The following SESN3 variants were observed in gnomAD, a reference collection of about 807,000 sequenced individuals.
SESN3 encodes sestrin 3, also known as sestrin-3.
A neutral mutation model predicts 55.3 loss-of-function variants in SESN3; 21 were observed. The ratio of observed to expected loss-of-function variants is 0.38; its 90% CI spans 0.27 to 0.55. The LOEUF (loss-of-function observed/expected upper bound fraction) is 0.55, where lower values mean the gene tolerates loss of function less well. SESN3 is among the 20% of genes least tolerant of loss of function. The probability of loss-of-function intolerance (pLI) is 0.76; values close to 1 mark genes in which losing one functional copy is unlikely to be tolerated. For synonymous variants in SESN3, 181 were observed against 203.1 expected, an observed-to-expected ratio of 0.89 and a Z score of 0.93; for missense variants, 408 against 604.3, an observed-to-expected ratio of 0.68 and a Z score of 3.41.
At chr11:95,184,754 T>G (rs1200156634) in intron 5 of SESN3, among the ~76,000 whole-genome samples, 160 bp from the exon 6 acceptor site, 7 of 152,106 alleles carry the variant, frequency 4.6e-5, no homozygotes, top group African/African-American at 1.4e-4. Flanking sequence ...TCATGACAGA[T>G]TCCAACATTT....
intron 4 of SESN3, among the ~76,000 whole-genome samples, chr11:95,186,194 CTGTGTGTGTGTGTGTGTGTGTGTGTG>C (rs35466696): frequency 1.1e-4 from 12 of 107,634 alleles, no homozygotes; most frequent in African/African-American, 3.6e-4. Flanking sequence ...CTATCTCTCA[CTGTGTGTGTGTGTGTGTGTGTGTGTG>C]TGTGTGTGTG....
intron 1 of SESN3, among the ~76,000 whole-genome samples, chr11:95,225,459 G>T (rs1169588618): frequency 1.3e-5 from 2 of 152,158 alleles, no homozygotes; most frequent in Admixed American, 1.3e-4. Context: ...ATTACCTGGA[G>T]AATCTTCGGT....
intron 9 of SESN3, among the ~76,000 whole-genome samples, 173 bp from the exon 10 acceptor site, chr11:95,173,514 G>A (rs992764742): frequency 6.6e-6 from 1 of 152,002 alleles, no homozygotes; most frequent in Non-Finnish European, 1.5e-5. Flanking sequence ...TAATGGCTCT[G>A]CAAGCAGTAA....
At chr11:95,194,894 A>G (rs886382286) in intron 1 of SESN3, among the ~76,000 whole-genome samples, 2 of 152,168 alleles carry the variant, frequency 1.3e-5, no homozygotes, top group Admixed American at 1.3e-4. Flanking sequence ...ACTGCACTCC[A>G]GCCCAGGTGA....
chr11:95,211,680 G>A (rs1403868228), intron 1 of SESN3, among the ~76,000 whole-genome samples: 1 of 152,148 alleles, frequency 6.6e-6, no homozygotes, highest in Non-Finnish European at 1.5e-5. Flanking sequence ...TGAGGCAGGA[G>A]AATCACTTGA....
intron 9 of SESN3, among the ~76,000 whole-genome samples, chr11:95,174,191 T>C (rs1044341442): frequency 1.3e-5 from 2 of 152,228 alleles, no homozygotes; most frequent in Non-Finnish European, 2.9e-5. Context: ...TAACATTCTC[T>C]GCTAAGATCA....
intron 1 of SESN3, among the ~76,000 whole-genome samples, chr11:95,229,235 T>A (rs971346709): frequency 1.3e-5 from 2 of 152,198 alleles, no homozygotes; most frequent in Non-Finnish European, 2.9e-5. Context: ...TCAGATGACA[T>A]CTGGCCCTGC....
chr11:95,181,058 A>C (rs906818271), intron 6 of SESN3, among the ~76,000 whole-genome samples: 2 of 152,146 alleles, frequency 1.3e-5, no homozygotes, highest in African/African-American at 4.8e-5. Context: ...AAATAAAGCC[A>C]AAAACGGTAA....
rs778157043 is a variant in SESN3 at position 95,172,603 on chromosome 11, CATTAA to C, written c.*647_*651del. 5 of 152,272 alleles carry C rather than the reference CATTAA, an allele frequency of 3.3e-5. No individual in the cohort carries two copies. Among genetic ancestry groups the C allele is most frequent in the Non-Finnish European group, 7.4e-5 (5 of 68,012 alleles). The allele number at this position is 152,272 out of a possible 1,614,324, so 9.4% of individuals were successfully genotyped here. ...ATAGAATTCATCATGATTAATTTCA[CATTAA>C]ATTATGGGCAATAGCTGTATCACAT... is the stretch of plus-strand genomic sequence containing the variant. On this transcript the variant is annotated 3_prime_UTR_variant, in exon 10 of 10. Transcript: ENST00000536441.
intron 6 of SESN3, among the ~76,000 whole-genome samples, chr11:95,179,132 T>C (rs1860013721): frequency 6.6e-6 from 1 of 152,110 alleles, no homozygotes; most frequent in Non-Finnish European, 1.5e-5. Flanking sequence ...GAAGATAGCA[T>C]AGGCCTATAA....
At chr11:95,199,603 G>T in intron 1 of SESN3, among the ~76,000 whole-genome samples, 1 of 151,968 alleles carries the variant, frequency 6.6e-6, no homozygotes, top group African/African-American at 2.4e-5. Flanking sequence ...GTCTTTAGGA[G>T]TAATCAGCAA....
chr11:95,229,654 T>C (rs1565478770), intron 1 of SESN3, among the ~76,000 whole-genome samples: 2 of 152,178 alleles, frequency 1.3e-5, no homozygotes, highest in Non-Finnish European at 2.9e-5. Context: ...TGCTTACTTA[T>C]GTGCTTTTTT....
At chr11:95,186,955 A>G (rs1860179655) in intron 4 of SESN3, among the ~76,000 whole-genome samples, 1 of 151,876 alleles carries the variant, frequency 6.6e-6, no homozygotes, top group South Asian at 2.1e-4. Context: ...TAACTTTTAC[A>G]TATTTTATTT....
At chr11:95,214,832 G>A (rs1053202747) in intron 1 of SESN3, among the ~76,000 whole-genome samples, 1 of 152,006 alleles carries the variant, frequency 6.6e-6, no homozygotes, top group Non-Finnish European at 1.5e-5. Context: ...GTGCCAAAAC[G>A]CTTATTTTTA....
At position 95,230,783 on chromosome 11, in the gene SESN3, C is replaced by T. The variant is rs1486910099; in HGVS notation, c.78G>A (p.Lys26=). Reference sequence around the variant, plus strand: ...GCAGGACCCCGGGCCGAACCCGTACCTTCCGCAGCACTTTCCGGCAGTTGG... The same window carrying T: ...GCAGGACCCCGGGCCGAACCCGTACTTTCCGCAGCACTTTCCGGCAGTTGG... The part of the protein sequence containing the change: ...LCTNCRKVLR[K]DKRIRVSQPL... Residue 26 remains lysine (K), a splice_region_variant and synonymous_variant, in exon 1 of 10, where the codon AAG becomes AAA. Transcript: ENST00000536441. The surrounding 1 kb of genome is among the most constrained non-coding windows in gnomAD (Gnocchi z 4.6). 1.2e-6 allele frequency: 2 copies of T among 1,605,872 alleles called. No homozygotes were observed. The highest frequency in any genetic ancestry group is 2.3e-5 in the East Asian group (1 of 44,064).
intron 4 of SESN3, among the ~76,000 whole-genome samples, chr11:95,186,026 T>C (rs1399281773): frequency 1.3e-5 from 2 of 151,998 alleles, no homozygotes; most frequent in Non-Finnish European, 2.9e-5. Context: ...CACTTTTTCA[T>C]ATTCTGTATT....
chr11:95,211,362 C>A (rs1431903766), intron 1 of SESN3, among the ~76,000 whole-genome samples: 1 of 152,164 alleles, frequency 6.6e-6, no homozygotes, highest in African/African-American at 2.4e-5. Context: ...GTTCAGCCAC[C>A]CCCATGACCC....
Position 95,214,475 on chromosome 11 carries a change from A to G in SESN3, c.78+16308T>C, listed in dbSNP as rs1332575026. Among the ~76,000 whole-genome samples the G allele has an allele frequency of 3.3e-5, 5 of 152,304 alleles. No individual in the cohort carries two copies. The East Asian group carries it at 7.7e-4, about 23-fold the overall frequency. ...TCAAAGAGCAATCTTCTATTTACCT[A>G]TGGTCCATATATAATACACATGGCT... is the stretch of plus-strand genomic sequence containing the variant. On this transcript the variant is annotated intron_variant, in intron 1 of 9. Transcript: ENST00000536441.
At position 95,171,072 on chromosome 11, in the gene SESN3, C is replaced by G. The variant is rs897455267; in HGVS notation, c.*2183G>C. ...CAATACATACAAATCATTTTTTATC[C>G]TGTTATACAGTTCGCCTGCACAAAA... On this transcript the variant is annotated 3_prime_UTR_variant, in exon 10 of 10. Coordinates refer to ENST00000536441, the MANE Select transcript of SESN3 (RefSeq NM_144665.4). 6.6e-6 allele frequency: 1 copy of G among 152,042 alleles called. No homozygotes were observed. The highest frequency in any genetic ancestry group is 2.4e-5 in the African/African-American group (1 of 41,408). 9.4% of individuals were successfully genotyped at this position (152,042 alleles called of 1,614,324 possible).
Sources: gnomAD v4.1 joint callset for allele counts (sites outside exome capture counted in the v4.1 genomes callset) on GRCh38, gnomAD v4.1.1 for gene constraint, Gnocchi (gnomAD v3.1) non-coding constraint, MANE v1.5 for transcripts, NCBI Gene and HGNC (gene_info 2026-07-23, HGNC 2026-07-21) for gene names.